The following FBN1 variants were observed in gnomAD, a reference collection of about 807,000 sequenced individuals.
The protein encoded by FBN1 is fibrillin 1, also known as fibrillin-1.
Under a neutral mutation model 365.1 loss-of-function variants are expected in FBN1, and 29 were observed. The observed-to-expected ratio is 0.08, with a 90% confidence interval of 0.06 to 0.11. The LOEUF is 0.11. Ranked by LOEUF, FBN1 falls within the 10% of genes least tolerant of loss-of-function variation. The probability of loss-of-function intolerance (pLI) is 1.00; values close to 1 mark genes in which losing one functional copy is unlikely to be tolerated. For missense variants in FBN1, 2,476 were observed against 3,703.2 expected (o/e 0.67, Z 8.60); for synonymous variants, 1,210 against 1,270.5 (o/e 0.95, Z 1.01).
intron 8 of FBN1, among the ~76,000 whole-genome samples, chr15:48,528,202 T>C (rs1320198633): frequency 6.6e-6 from 1 of 152,242 alleles, no homozygotes; most frequent in Non-Finnish European, 1.5e-5. Flanking sequence ...TTAAGGCCAC[T>C]TAGCGTACAT....
At chr15:48,582,106 G>C (rs535860333) in intron 6 of FBN1, among the ~76,000 whole-genome samples, 1 of 152,188 alleles carries the variant, frequency 6.6e-6, no homozygotes, top group Non-Finnish European at 1.5e-5. Flanking sequence ...GTTTTAAAAA[G>C]TCGAGGGAAA....
At chr15:48,428,051 A>T in intron 57 of FBN1, 1 of 656,978 alleles carries the variant, frequency 1.5e-6, no homozygotes, top group Non-Finnish European at 2.7e-6. Flanking sequence ...CCATGCTTAC[A>T]GACAGAGGGG....
rs1555394142 is a variant in FBN1 at position 48,420,718 on chromosome 15, G to A, written c.7788C>T (p.Tyr2596=). Residue 2596 remains tyrosine, a synonymous_variant, in exon 63 of 66, where the codon TAC becomes TAT. Transcript: ENST00000316623. The part of the protein sequence containing the change: ...GGYRCSCPQG[Y]LQHYQWNQCV... ...ACTGGTTCCACTGGTAGTGCTGGAG[G>A]TAGCCCTGGGGGCAGCTGCACCTGT... 8 of 1,614,128 alleles carry A rather than the reference G, an allele frequency of 5.0e-6. No individual in the cohort carries two copies. The highest frequency in any genetic ancestry group is 6.8e-6 in the Non-Finnish European group (8 of 1,180,008).
At position 48,425,764 on chromosome 15, in the gene FBN1, T is replaced by C. The variant is rs2042974267; in HGVS notation, c.7305A>G (p.Pro2435=). The part of the protein sequence containing the change: ...YHCICKTGYT[P]DITGTSCVDL... ...CTACACAGGAAGTCCCAGTTATATCTGGAGTGTACCCAGTTTTACAAATGC... is the reference window on the plus strand; with the variant it reads ...CTACACAGGAAGTCCCAGTTATATCCGGAGTGTACCCAGTTTTACAAATGC... Residue 2435 remains proline (P), a synonymous_variant, in exon 59 of 66, where the codon CCA becomes CCG. Coordinates refer to ENST00000316623, the MANE Select transcript of FBN1 (RefSeq NM_000138.5). 6.2e-7 allele frequency: 1 copy of C among 1,613,642 alleles called. No individual in the cohort carries two copies. Among genetic ancestry groups the C allele is most frequent in the African/African-American group, 1.3e-5 (1 of 75,032 alleles).
intron 6 of FBN1, among the ~76,000 whole-genome samples, chr15:48,575,361 ATG>A (rs2044337525): frequency 6.8e-6 from 1 of 147,024 alleles, no homozygotes; most frequent in African/African-American, 2.6e-5. Flanking sequence ...GTATGTATGT[ATG>A]TATTTAGGGG....
chr15:48,437,392 G>A lies in FBN1; in HGVS notation c.6314-5C>T. On this transcript the variant is annotated splice_polypyrimidine_tract_variant and splice_region_variant and intron_variant, in intron 51 of 65. Coordinates refer to ENST00000316623, the MANE Select transcript of FBN1 (RefSeq NM_000138.5). ...GACATATCTGGCGGAAGGCCTCTGT[G>A]GTGGAGACACTCATTAATAGATAGA... 2 of 1,609,380 alleles carry A rather than the reference G, an allele frequency of 1.2e-6. No individual in the cohort carries two copies. Among genetic ancestry groups the A allele is most frequent in the Non-Finnish European group, 1.7e-6 (2 of 1,176,072 alleles).
intron 13 of FBN1, among the ~76,000 whole-genome samples, chr15:48,510,821 G>T (rs2043753293): frequency 6.6e-6 from 1 of 152,132 alleles, no homozygotes; most frequent in South Asian, 2.1e-4. Context: ...GCTTGACACG[G>T]AAGTGTTAAA....
intron 8 of FBN1, among the ~76,000 whole-genome samples, chr15:48,527,124 G>A (rs548183880): frequency 5.6e-4 from 85 of 152,286 alleles, no homozygotes; most frequent in Non-Finnish European, 1.0e-3. Context: ...TTCTCTGCAC[G>A]CTCTTGCCTC....
chr15:48,475,129 C>T (rs548040073), intron 32 of FBN1, among the ~76,000 whole-genome samples: 5 of 151,830 alleles, frequency 3.3e-5, no homozygotes, highest in South Asian at 2.1e-4. Flanking sequence ...ATATTTTATT[C>T]TTAAACTTAA....
chr15:48,567,878 G>T (rs1471776460), intron 6 of FBN1, among the ~76,000 whole-genome samples: 1 of 151,844 alleles, frequency 6.6e-6, no homozygotes, highest in Non-Finnish European at 1.5e-5. Context: ...AATAACAAAT[G>T]CTTTCTTTCT....
rs773685409 is a variant in FBN1 at position 48,537,652 on chromosome 15, C to T, written c.695G>A (p.Arg232His). The T allele has an allele frequency of 1.2e-6, 2 of 1,614,178 alleles. No individual in the cohort carries two copies. Among genetic ancestry groups the T allele is most frequent in the Non-Finnish European group, 8.5e-7 (1 of 1,180,026 alleles). ...GCGGATATTTGGAATGAAGCCACGG[C>T]GGCAGGGGTGAGGCTGGGCAGGACA... ...EMCPAQPHPCRRGFIPNIRTG... is the reference protein window; with the variant it reads ...EMCPAQPHPCHRGFIPNIRTG... Residue 232 changes from arginine to histidine, a missense_variant, in exon 7 of 66, where the codon CGC becomes CAC. Physicochemically the swap from Arg to His is conservative, Grantham distance 29. Coordinates refer to ENST00000316623, the MANE Select transcript of FBN1 (RefSeq NM_000138.5).
intron 5 of FBN1, among the ~76,000 whole-genome samples, 187 bp downstream of exon 5, chr15:48,599,952 G>T (rs1215767068): frequency 6.6e-6 from 1 of 152,156 alleles, no homozygotes; most frequent in African/African-American, 2.4e-5. Context: ...ACCAATCAAG[G>T]TTCCAATTGG....
In FBN1 at chr15:48,421,649, C is replaced by G. The variant is rs748505745; in HGVS notation, c.7608G>C (p.Gly2536=). The part of the protein sequence containing the change: ...NECTSDINLC[G]SKGICQNTPG... ...GAGTGTTCTGGCAAATGCCCTTAGA[C>G]CCGCACAGATTGATGTCAGAGGTGC... Residue 2536 remains glycine (G), a synonymous_variant, in exon 62 of 66, where the codon GGG becomes GGC. Coordinates refer to ENST00000316623, the MANE Select transcript of FBN1 (RefSeq NM_000138.5). The G allele has an allele frequency of 6.2e-7, 1 of 1,613,836 alleles. No individual in the cohort carries two copies. Among genetic ancestry groups the G allele is most frequent in the East Asian group, 2.2e-5 (1 of 44,878 alleles).
At chr15:48,479,717 C>T (rs952544817) in intron 32 of FBN1, among the ~76,000 whole-genome samples, 3 of 152,222 alleles carry the variant, frequency 2.0e-5, no homozygotes, top group Admixed American at 2.0e-4. Context: ...CTTCATGCAA[C>T]TGTAGTGCAC....
intron 29 of FBN1, among the ~76,000 whole-genome samples, chr15:48,486,262 A>G (rs1224550710): frequency 6.6e-6 from 1 of 152,234 alleles, no homozygotes; most frequent in Non-Finnish European, 1.5e-5. Flanking sequence ...ATCTTTTTCA[A>G]TAACCTGAGT....
chr15:48,573,583 C>T (rs376917708), intron 6 of FBN1, among the ~76,000 whole-genome samples: 5 of 152,150 alleles, frequency 3.3e-5, no homozygotes, highest in African/African-American at 1.2e-4. Flanking sequence ...CATGTAAAAT[C>T]ATGGTCATAA....
At chr15:48,505,521 A>C (rs1337731925) in intron 15 of FBN1, among the ~76,000 whole-genome samples, 1 of 152,212 alleles carries the variant, frequency 6.6e-6, no homozygotes, top group Admixed American at 6.5e-5. Context: ...ATCTAGGGTA[A>C]TAGTAAACTA....
intron 6 of FBN1, among the ~76,000 whole-genome samples, chr15:48,539,427 C>G (rs765830742): frequency 9.2e-5 from 14 of 152,124 alleles, no homozygotes; most frequent in Non-Finnish European, 7.4e-5. Flanking sequence ...TTCCCCAGCT[C>G]CCTCCCTCCA....
chr15:48,469,664 T>C (rs2043354938), intron 36 of FBN1, among the ~76,000 whole-genome samples: 1 of 152,064 alleles, frequency 6.6e-6, no homozygotes, highest in Admixed American at 6.6e-5. Flanking sequence ...ATTTTTTTGT[T>C]CAAATTGCAT....
Sources: gnomAD v4.1 joint callset for allele counts (sites outside exome capture counted in the v4.1 genomes callset) on GRCh38, gnomAD v4.1.1 for gene constraint, MANE v1.5 for transcripts, NCBI Gene and HGNC (gene_info 2026-07-23, HGNC 2026-07-21) for gene names.